NLRP9: variants seen among roughly 807,000 people sequenced by gnomAD.
The protein encoded by NLRP9 is NLR family pyrin domain containing 9.
NLRP9 carries 88 observed loss-of-function variants against 83.1 expected under a neutral mutation model. The ratio of observed to expected loss-of-function variants is 1.06; its 90% CI spans 0.89 to 1.26. The LOEUF (loss-of-function observed/expected upper bound fraction) is 1.26. NLRP9 is among the 50% of genes most tolerant of loss of function. The pLI is 0.00. For synonymous variants in NLRP9, 521 were observed against 447.6 expected (o/e 1.16, Z -2.07); for missense variants, 1,308 against 1,179.3 (o/e 1.11, Z -1.60).
At chr19:55,711,679 A>G in intron 8 of NLRP9, 121 bp downstream of exon 8, 1 of 980,030 alleles carries the variant, frequency 1.0e-6, no homozygotes, top group Non-Finnish European at 1.6e-6. Flanking sequence ...GGGCCCAAGG[A>G]CAGGCCCCCA....
At chr19:55,729,050 CTTTTTTTTTTTTTT>C (rs374589373) in intron 3 of NLRP9, among the ~76,000 whole-genome samples, 3 of 70,202 alleles carry the variant, frequency 4.3e-5, no homozygotes. Flanking sequence ...TTTTCTTTTT[CTTTTTTTTTTTTTT>C]TTTTTTTTTA....
chr19:55,728,034 C>A (rs947240747), intron 3 of NLRP9, among the ~76,000 whole-genome samples: 1 of 152,200 alleles, frequency 6.6e-6, no homozygotes, highest in Admixed American at 6.6e-5. Flanking sequence ...ACAATAAATT[C>A]CTCTAGCAAC....
At position 55,724,134 on chromosome 19, in the gene NLRP9, C is replaced by T; in HGVS notation, c.2005G>A (p.Val669Met). Residue 669 changes from valine to methionine, a missense_variant, in exon 4 of 9, where the codon GTG becomes ATG. By Grantham distance (21) the Val-to-Met change is conservative. Transcript: ENST00000332836. ...AATTCTGAATCATGTCCAAAGTACACAGAAGTAAATCTGCAAAAGATTAAA... is the reference window on the plus strand; with the variant it reads ...AATTCTGAATCATGTCCAAAGTACATAGAAGTAAATCTGCAAAAGATTAAA... The part of the protein sequence containing the change: ...CKLRKLIFTS[V>M]YFGHDSELFK... The T allele has an allele frequency of 1.9e-6, 3 of 1,605,476 alleles. No individual in the cohort carries two copies. Among genetic ancestry groups the T allele is most frequent in the South Asian group, 2.2e-5 (2 of 89,322 alleles).
chr19:55,721,990 C>T (rs184103535), intron 4 of NLRP9, among the ~76,000 whole-genome samples: 11 of 152,230 alleles, frequency 7.2e-5, no homozygotes, highest in South Asian at 2.1e-4. Context: ...AGTGTGAAAA[C>T]GGACTGATAC....
intron 5 of NLRP9, 140 bp from the exon 6 acceptor site, chr19:55,715,365 A>T: frequency 1.4e-6 from 1 of 713,714 alleles, no homozygotes; most frequent in Non-Finnish European, 2.3e-6. Context: ...ACCTTTCCAG[A>T]TGTTCCTTGA....
At position 55,738,241 on chromosome 19, in the gene NLRP9, G is replaced by A. The variant is rs1241685853; in HGVS notation, c.134C>T (p.Ala45Val). The change falls in exon 1 of 9, where the codon GCT (alanine) becomes GTT (valine). Residue 45 changes from alanine to valine, a missense_variant. Physicochemically the swap from Ala to Val is moderately conservative, Grantham distance 64. Coordinates refer to ENST00000332836, the MANE Select transcript of NLRP9 (RefSeq NM_176820.4). ...EKFELKPIPWAELKKASKEDV... is the reference protein window; with the variant it reads ...EKFELKPIPWVELKKASKEDV... ...TTCTTTGGAGGCCTTCTTCAGCTCA[G>A]CCCAGGGGATTGGCTTGAGTTCAAA... The A allele has an allele frequency of 2.5e-6, 4 of 1,613,956 alleles. No individual in the cohort carries two copies. Among genetic ancestry groups the A allele is most frequent in the African/African-American group, 1.3e-5 (1 of 74,874 alleles).
intron 8 of NLRP9, among the ~76,000 whole-genome samples, chr19:55,710,469 TATTTA>T (rs1319919274): frequency 1.3e-5 from 2 of 152,154 alleles, no homozygotes; most frequent in African/African-American, 2.4e-5. Context: ...CCAAATCTCA[TATTTA>T]ATTGTAATCC....
At chr19:55,737,709 G>C (rs1988819383) in intron 1 of NLRP9, 1 of 158,574 alleles carries the variant, frequency 6.3e-6, no homozygotes, top group Non-Finnish European at 1.2e-5. Flanking sequence ...AGACCAGCCT[G>C]AGCAACATGG....
chr19:55,713,464 T>C (rs976681039), intron 6 of NLRP9, among the ~76,000 whole-genome samples: 2 of 151,700 alleles, frequency 1.3e-5, no homozygotes, highest in African/African-American at 4.8e-5. Flanking sequence ...TATGTACTTG[T>C]GTGTTGGTGG....
In NLRP9 at chr19:55,732,828, G is replaced by A. The variant is rs1988627234; in HGVS notation, c.1003C>T (p.His335Tyr). Reference sequence around the variant, plus strand: ...ACCAACCAGCACGTAAAGGGATTATGGCACAAGATAAACAGCGGCCCATTA... The same window carrying A: ...ACCAACCAGCACGTAAAGGGATTATAGCACAAGATAAACAGCGGCCCATTA... Reference protein sequence around the residue: ...RDNGPLFILCHNPFTCWLVCT... With the variant: ...RDNGPLFILCYNPFTCWLVCT... The change falls in exon 2 of 9, where the codon CAT (histidine) becomes TAT (tyrosine). Residue 335 changes from histidine (H) to tyrosine (Y), a missense_variant. Coordinates refer to ENST00000332836, the MANE Select transcript of NLRP9 (RefSeq NM_176820.4). 1.9e-6 allele frequency: 3 copies of A among 1,614,022 alleles called. No homozygotes were observed. Among genetic ancestry groups the A allele is most frequent in the Non-Finnish European group, 8.5e-7 (1 of 1,180,028 alleles).
intron 1 of NLRP9, among the ~76,000 whole-genome samples, chr19:55,736,207 C>T (rs1353528066): frequency 3.3e-5 from 5 of 151,512 alleles, no homozygotes; most frequent in South Asian, 2.1e-4. Context: ...CTGGCTAACA[C>T]GGTGAGACCC....
intron 4 of NLRP9, among the ~76,000 whole-genome samples, chr19:55,718,073 T>A (rs1438759091): frequency 2.6e-5 from 4 of 152,244 alleles, no homozygotes. Context: ...CGTGGTTTAA[T>A]GGATTTAGGG....
rs765617749 is a variant in NLRP9, at chr19:55,724,081, A to G, written c.2058T>C (p.His686=). 1.9e-6 allele frequency: 3 copies of G among 1,613,708 alleles called. No homozygotes were observed. Among genetic ancestry groups the G allele is most frequent in the East Asian group, 2.2e-5 (1 of 44,880 alleles). ...TGCCGTACAGGCTCAGAAGTTTCAG[A>G]TGAGGGTTGTGAAGAACTGCCTTAA... ...ELFKAVLHNP[H]LKLLSLYGTS... Residue 686 remains histidine, a synonymous_variant, in exon 4 of 9, where the codon CAT becomes CAC. Transcript: ENST00000332836.
chr19:55,718,077 T>C lies in NLRP9; in HGVS notation c.2160-1179A>G, dbSNP rs182289238. On this transcript the variant is annotated intron_variant, in intron 4 of 8. Transcript: ENST00000332836. ...TCACAGAAACACGTGGTTTAATGGA[T>C]TTAGGGCTGTGCAGCATGTGCCTTG... Among the ~76,000 whole-genome samples the C allele has an allele frequency of 3.2e-3, 483 of 152,306 alleles. 1 individual carries two copies. Among genetic ancestry groups the C allele is most frequent in the Non-Finnish European group, 3.3e-3 (227 of 68,026 alleles).
intron 2 of NLRP9, among the ~76,000 whole-genome samples, chr19:55,731,541 T>C (rs965424017): frequency 2.6e-5 from 4 of 151,784 alleles, no homozygotes; most frequent in Non-Finnish European, 4.4e-5. Flanking sequence ...CTGGCTAACA[T>C]GGTGAAACCC....
intron 3 of NLRP9, among the ~76,000 whole-genome samples, chr19:55,728,362 G>T (rs1037742665): frequency 7.9e-5 from 12 of 152,034 alleles, no homozygotes; most frequent in Non-Finnish European, 2.9e-5. Flanking sequence ...GCATCACAAG[G>T]CCAGGAGTTT....
intron 3 of NLRP9, among the ~76,000 whole-genome samples, chr19:55,724,440 G>T (rs73933320): frequency 0.051 from 7,791 of 152,124 alleles, 684 homozygotes; most frequent in African/African-American, 0.18. Flanking sequence ...GCCCCATGGG[G>T]ACAGGAACAA....
chr19:55,731,842 T>C (rs62126981), intron 2 of NLRP9, among the ~76,000 whole-genome samples, 157 bp downstream of exon 2: 9,211 of 152,170 alleles, frequency 0.061, 447 homozygotes, highest in Non-Finnish European at 0.092. Context: ...TTGCAGCTCA[T>C]GATCCCACAG....
chr19:55,729,050 C>CTTTTTTTTTTTTTTTTTTTT (rs374589373), intron 3 of NLRP9, among the ~76,000 whole-genome samples: 22 of 70,254 alleles, frequency 3.1e-4, no homozygotes, highest in Non-Finnish European at 4.3e-4. Flanking sequence ...TTTTCTTTTT[C>CTTTTTTTTTTTTTTTTTTTT]TTTTTTTTTT....
Sources: allele counts gnomAD v4.1 joint callset (sites outside exome capture counted in the v4.1 genomes callset), GRCh38; gene constraint gnomAD v4.1.1; transcripts MANE v1.5; gene names NCBI Gene and HGNC (gene_info 2026-07-23, HGNC 2026-07-21).